RBM8A: variants seen among roughly 807,000 people sequenced by gnomAD.
RBM8A encodes the protein RNA-binding protein 8A.
A neutral mutation model predicts 25.1 loss-of-function variants in RBM8A; 8 were observed. That is an observed-to-expected ratio of 0.32 (90% confidence interval 0.19 to 0.58). The LOEUF is 0.58. Ranked by LOEUF, RBM8A falls within the 20% of genes least tolerant of loss-of-function variation. The pLI is 0.88. For missense variants in RBM8A, 114 were observed against 236.8 expected, an observed-to-expected ratio of 0.48 and a Z score of 3.40; for synonymous variants, 66 against 80.0, an observed-to-expected ratio of 0.82 and a Z score of 0.94.
chr1:145,925,592 ACT>A lies in RBM8A; in HGVS notation c.*288_*289del, dbSNP rs1648099962. ...AATCCACCCTGGGTAACACAGCAAG[ACT>A]CTATCTCAAAAAAAAGAAAAAAAAG... On this transcript the variant is annotated 3_prime_UTR_variant, in exon 6 of 6. Transcript: ENST00000583313. 5 of 375,870 alleles carry A rather than the reference ACT, an allele frequency of 1.3e-5. No homozygotes were observed. Among genetic ancestry groups the A allele is most frequent in the South Asian group, 1.2e-4 (5 of 42,008 alleles). The allele number at this position is 375,870 out of a possible 1,614,324, so 23.3% of individuals were successfully genotyped here.
chr1:145,926,946 G>T, intron 2 of RBM8A, 60 bp from the exon 3 acceptor site: 1 of 1,613,906 alleles, frequency 6.2e-7, no homozygotes. Flanking sequence ...GTTCCTATGA[G>T]GTGGGTGGGG....
rs1647790945 is a variant in RBM8A, at chr1:145,921,666, A to T, written c.*4216T>A. On this transcript the variant is annotated 3_prime_UTR_variant, in exon 6 of 6. Coordinates refer to ENST00000583313, the MANE Select transcript of RBM8A (RefSeq NM_005105.5). ...AATCTCAAATCCAATCCAATACTGA[A>T]AAGGAACTAGAAATCTAGAGGGGGA... The T allele has an allele frequency of 6.5e-6, 1 of 152,958 alleles. No individual in the cohort carries two copies. The highest frequency in any genetic ancestry group is 6.6e-5 in the Admixed American group (1 of 15,264). 9.5% of individuals were successfully genotyped at this position (152,958 alleles called of 1,614,324 possible). A position where few individuals can be genotyped will look rare whatever the true frequency, so the allele number is the denominator to read the frequency against.
rs1648223866 is a variant in RBM8A at position 145,927,441 on chromosome 1, A to T, written c.-15T>A. On this transcript the variant is annotated 5_prime_UTR_variant, in exon 1 of 6. Transcript: ENST00000583313. Reference sequence around the variant, plus strand: ...ACGTCCGCCATCTCGCCTTCGATCGAGATCTCGTCTGTGCCGCTCAGACAC... The same window carrying T: ...ACGTCCGCCATCTCGCCTTCGATCGTGATCTCGTCTGTGCCGCTCAGACAC... 1.2e-6 allele frequency: 2 copies of T among 1,607,900 alleles called. No individual in the cohort carries two copies. The highest frequency in any genetic ancestry group is 1.7e-6 in the Non-Finnish European group (2 of 1,177,442).
rs1196267462 is a variant in RBM8A at position 145,927,132 on chromosome 1, C to G, written c.68-55G>C. ...AACTATGACAGTCATTTGTAACAAT[C>G]GTCTCTTTCCCAATACACTACCAGC... On this transcript the variant is annotated intron_variant, in intron 1 of 5. Transcript: ENST00000583313. 7 of 1,593,740 alleles carry G rather than the reference C, an allele frequency of 4.4e-6. No individual in the cohort carries two copies. In the East Asian group the frequency reaches 1.6e-4, roughly 36 times the overall value.
rs1401528415 is a variant in RBM8A at position 145,921,644 on chromosome 1, CTCAAA to C, written c.*4233_*4237del. On this transcript the variant is annotated 3_prime_UTR_variant, in exon 6 of 6. Transcript: ENST00000583313. ...AACCTGAGTACTAGGTTAATCAAATCTCAAATCCAATCCAATACTGAAAAGGAACT... is the reference window on the plus strand; with the variant it reads ...AACCTGAGTACTAGGTTAATCAAATCTCCAATCCAATACTGAAAAGGAACT... The C allele has an allele frequency of 6.6e-6, 1 of 152,592 alleles. No individual in the cohort carries two copies. The highest frequency in any genetic ancestry group is 6.5e-5 in the Admixed American group (1 of 15,272). 9.5% of individuals were successfully genotyped at this position (152,592 alleles called of 1,614,324 possible).
At chr1:145,925,998 C>T (rs1226082891) in intron 5 of RBM8A, 43 bp downstream of exon 5, 22 of 1,614,080 alleles carry the variant, frequency 1.4e-5, no homozygotes, top group Middle Eastern at 1.6e-4. Flanking sequence ...CTGTTTCGTT[C>T]GTATTCCCTT....
chr1:145,926,871 G>A lies in RBM8A; in HGVS notation c.143C>T (p.Ala48Val), dbSNP rs1553756038. ...RGFGSEEGSR[A>V]RMREDYDSVE... ...GCTGTCATAATCCTCACGCATCCGCGCTCGGGACCCCTCTTCTATAAGGGA... is the reference window on the plus strand; with the variant it reads ...GCTGTCATAATCCTCACGCATCCGCACTCGGGACCCCTCTTCTATAAGGGA... The change falls in exon 3 of 6, where the codon GCG becomes GTG. Residue 48 changes from alanine (A) to valine (V), a missense_variant. Transcript: ENST00000583313. 5 of 1,613,750 alleles carry A rather than the reference G, an allele frequency of 3.1e-6. No homozygotes were observed. The Admixed American group carries it at 5.0e-5, about 16-fold the overall frequency.
chr1:145,926,954 G>A lies in RBM8A; in HGVS notation c.127+64C>T. 7 of 1,613,862 alleles carry A rather than the reference G, an allele frequency of 4.3e-6. No homozygotes were observed. In the South Asian group the frequency reaches 7.7e-5, roughly 18 times the overall value. ...TCCCATTGTTCCTATGAGGTGGGTG[G>A]GGACTCCAAAACCCGTAGCTCCTGC... On this transcript the variant is annotated intron_variant, in intron 2 of 5. Transcript: ENST00000583313.
At chr1:145,926,345 G>T (rs1338909661) in intron 4 of RBM8A, 137 bp downstream of exon 4, 1 of 1,459,964 alleles carries the variant, frequency 6.8e-7, no homozygotes, top group Non-Finnish European at 9.3e-7. Context: ...TGTCTCTTTG[G>T]CGTGTCTGAC....
Position 145,927,455 on chromosome 1 carries a change from C to G in RBM8A, c.-29G>C. 5 of 1,600,596 alleles carry G rather than the reference C, an allele frequency of 3.1e-6. No homozygotes were observed. The highest frequency in any genetic ancestry group is 4.3e-6 in the Non-Finnish European group (5 of 1,173,222). On this transcript the variant is annotated 5_prime_UTR_variant, in exon 1 of 6. Coordinates refer to ENST00000583313, the MANE Select transcript of RBM8A (RefSeq NM_005105.5). ...GCCTTCGATCGAGATCTCGTCTGTG[C>G]CGCTCAGACACTAGGTACCTCGGGA...
chr1:145,926,506 G>C lies in RBM8A; in HGVS notation c.318C>G (p.Leu106=). The C allele has an allele frequency of 6.2e-7, 1 of 1,614,078 alleles. No homozygotes were observed. The highest frequency in any genetic ancestry group is 8.5e-7 in the Non-Finnish European group (1 of 1,180,020). Residue 106 remains leucine, a synonymous_variant, in exon 4 of 6, where the codon CTC becomes CTG. Transcript: ENST00000583313. ...YGEIKNIHLN[L]DRRTGYLKGY... Reference sequence around the variant, plus strand: ...CCTTCAGATATCCTGTTCGCCTGTCGAGGTTGAGATGAATGTTTTTAATTT... The same window carrying C: ...CCTTCAGATATCCTGTTCGCCTGTCCAGGTTGAGATGAATGTTTTTAATTT...
chr1:145,927,347 C>G lies in RBM8A; in HGVS notation c.67+13G>C. ...CTTCCCCGCTTCCCACCAGCCGTCTCCACTGTCCTCACCGTCCCCATCCTC... is the reference window on the plus strand; with the variant it reads ...CTTCCCCGCTTCCCACCAGCCGTCTGCACTGTCCTCACCGTCCCCATCCTC... On this transcript the variant is annotated intron_variant, in intron 1 of 5. Transcript: ENST00000583313. 6.2e-7 allele frequency: 1 copy of G among 1,611,190 alleles called. No homozygotes were observed. Among genetic ancestry groups the G allele is most frequent in the Non-Finnish European group, 8.5e-7 (1 of 1,178,764 alleles).
rs374943462 is a variant in RBM8A, at chr1:145,926,986, A to C, written c.127+32T>G. 36 of 1,614,034 alleles carry C rather than the reference A, an allele frequency of 2.2e-5. No homozygotes were observed. The African/African-American group carries it at 4.7e-4, about 21-fold the overall frequency. On this transcript the variant is annotated intron_variant, in intron 2 of 5. Coordinates refer to ENST00000583313, the MANE Select transcript of RBM8A (RefSeq NM_005105.5). Reference sequence around the variant, plus strand: ...CAAAACCCGTAGCTCCTGCCCTACTAGGCCACTCTACCCCATTTTCCCCAC... The same window carrying C: ...CAAAACCCGTAGCTCCTGCCCTACTCGGCCACTCTACCCCATTTTCCCCAC...
In RBM8A at chr1:145,925,727, A is replaced by G. The variant is rs1322531938; in HGVS notation, c.*155T>C. ...ACAGGAAAGTAACATTAAATGTAGA[A>G]AACAAAAATGGAACATTTATTCGCA... On this transcript the variant is annotated 3_prime_UTR_variant, in exon 6 of 6. Coordinates refer to ENST00000583313, the MANE Select transcript of RBM8A (RefSeq NM_005105.5). 3.6e-6 allele frequency: 3 copies of G among 831,596 alleles called. No homozygotes were observed. Among genetic ancestry groups the G allele is most frequent in the Non-Finnish European group, 5.6e-6 (3 of 533,886 alleles). 51.5% of individuals were successfully genotyped at this position (831,596 alleles called of 1,614,324 possible).
rs1456427233 is a variant in RBM8A, at chr1:145,922,672, A to G, written c.*3210T>C. On this transcript the variant is annotated 3_prime_UTR_variant, in exon 6 of 6. Transcript: ENST00000583313. The stretch of plus-strand genomic sequence containing the variant: ...AATTCTGTATTGCCCATATGCTGTA[A>G]TTGTAGTTAAAATATTAGTGTTAAT... The G allele has an allele frequency of 3.3e-5, 5 of 152,160 alleles. No homozygotes were observed. Among genetic ancestry groups the G allele is most frequent in the Admixed American group, 3.3e-4 (5 of 15,278 alleles). 9.4% of individuals were successfully genotyped at this position (152,160 alleles called of 1,614,324 possible).
In RBM8A at chr1:145,924,080, G is replaced by A. The variant is rs1647961097; in HGVS notation, c.*1802C>T. On this transcript the variant is annotated 3_prime_UTR_variant, in exon 6 of 6. Coordinates refer to ENST00000583313, the MANE Select transcript of RBM8A (RefSeq NM_005105.5). ...ACTTGGAATTAAGGATGAATTGGGA[G>A]GAGACAGTATGACATAGGTGGGTAG... 1.4e-6 allele frequency: 1 copy of A among 708,256 alleles called. No homozygotes were observed. Among genetic ancestry groups the A allele is most frequent in the African/African-American group, 1.7e-5 (1 of 57,182 alleles). 43.9% of individuals were successfully genotyped at this position (708,256 alleles called of 1,614,324 possible).
Position 145,924,786 on chromosome 1 carries a change from G to C in RBM8A, c.*1096C>G, listed in dbSNP as rs782228901. On this transcript the variant is annotated 3_prime_UTR_variant, in exon 6 of 6. Transcript: ENST00000583313. ...TACTCAGATCAGAAGCTGAGTGTCT[G>C]AATTACAGTATATTTTCTAAATTCC... is the stretch of plus-strand genomic sequence containing the variant. 47 of 358,340 alleles carry C rather than the reference G, an allele frequency of 1.3e-4. 2 individuals carry two copies. Among genetic ancestry groups the C allele is most frequent in the South Asian group, 9.8e-4 (47 of 47,932 alleles). The allele number at this position is 358,340 out of a possible 1,614,324, so 22.2% of individuals were successfully genotyped here. A position where few individuals can be genotyped will look rare whatever the true frequency, so the allele number is the denominator to read the frequency against.
chr1:145,926,410 G>A (rs1648159920), intron 4 of RBM8A, 72 bp downstream of exon 4: 2 of 1,570,734 alleles, frequency 1.3e-6, no homozygotes, highest in Non-Finnish European at 8.6e-7. Context: ...GCCAACCACA[G>A]CAAACACAGA....
chr1:145,925,933 G>C lies in RBM8A; in HGVS notation c.480-6C>G. 1.2e-6 allele frequency: 2 copies of C among 1,614,184 alleles called. No individual in the cohort carries two copies. The highest frequency in any genetic ancestry group is 1.7e-6 in the Non-Finnish European group (2 of 1,180,038). On this transcript the variant is annotated splice_polypyrimidine_tract_variant and splice_region_variant and intron_variant, in intron 5 of 5. Transcript: ENST00000583313. ...TGCTGCGTCTTCGGCCACCTCTAGG[G>C]AAAAAGAAGCAGGGAGAGGAGTCCA...
Sources: allele counts gnomAD v4.1 joint callset, GRCh38; gene constraint gnomAD v4.1.1; transcripts MANE v1.5; gene names NCBI Gene and HGNC (gene_info 2026-07-23, HGNC 2026-07-21).